The following ACYP1 variants were observed in gnomAD, a reference collection of about 807,000 sequenced individuals.
ACYP1 encodes acylphosphatase 1, also known as acylphosphatase-1.
In ACYP1, 8 loss-of-function variants were observed where a neutral mutation model predicts 10.4. The observed-to-expected ratio is 0.77, with a 90% CI of 0.45 to 1.38. ACYP1 has a LOEUF of 1.38. Among genes scored for constraint, ACYP1 ranks in the 40% most tolerant of loss-of-function variants. ACYP1 has a pLI of 0.00. For missense variants in ACYP1, 93 were observed against 117.3 expected, an observed-to-expected ratio of 0.79 and a Z score of 0.96; for synonymous variants, 38 against 40.8, an observed-to-expected ratio of 0.93 and a Z score of 0.26.
intron 2 of ACYP1, among the ~76,000 whole-genome samples, chr14:75,056,470 T>G (rs1892880221): frequency 6.6e-6 from 1 of 151,306 alleles, no homozygotes; most frequent in Admixed American, 6.6e-5. Context: ...TCTTTTTTTT[T>G]TCTGAAGGAT....
chr14:75,060,840 T>G (rs1472462970), intron 2 of ACYP1, among the ~76,000 whole-genome samples: 1 of 151,974 alleles, frequency 6.6e-6, no homozygotes, highest in African/African-American at 2.4e-5. Context: ...CTGAGGTAGG[T>G]GGATCACCTG....
chr14:75,059,990 CAG>C lies in ACYP1; in HGVS notation c.84+3478_84+3479del, dbSNP rs1462204598. 2.8e-5 allele frequency: 9 copies of C among 319,026 alleles called. 1 individual carries two copies. Among genetic ancestry groups the C allele is most frequent in the African/African-American group, 1.7e-4 (8 of 46,924 alleles). 19.8% of individuals were successfully genotyped at this position (319,026 alleles called of 1,614,324 possible). ...ATGGGGAGTTAGTGTTTAATGAATA[CAG>C]AGTTTCAGTTTTGCAAGATGAAAAG... On this transcript the variant is annotated intron_variant, in intron 2 of 2. Coordinates refer to ENST00000238618, the MANE Select transcript of ACYP1 (RefSeq NM_001107.5).
In ACYP1 at chr14:75,053,262, T is replaced by G. The variant is rs1413536245; in HGVS notation, c.*182A>C. 1.5e-5 allele frequency: 9 copies of G among 614,342 alleles called. No homozygotes were observed. The highest frequency in any genetic ancestry group is 2.5e-5 in the Non-Finnish European group (9 of 357,182). The allele number at this position is 614,342 out of a possible 1,614,324, so 38.1% of individuals were successfully genotyped here. A position where few individuals can be genotyped will look rare whatever the true frequency, so the allele number is the denominator to read the frequency against. ...TAAGCAGAAGGTTCTAACGTTTTTATTGATTAGATTTGTGTACAGTGGTAA... is the reference window on the plus strand; with the variant it reads ...TAAGCAGAAGGTTCTAACGTTTTTAGTGATTAGATTTGTGTACAGTGGTAA... On this transcript the variant is annotated 3_prime_UTR_variant, in exon 3 of 3. Transcript: ENST00000238618.
intron 2 of ACYP1, among the ~76,000 whole-genome samples, chr14:75,057,980 A>G (rs1249285838): frequency 6.8e-6 from 1 of 147,358 alleles, no homozygotes; most frequent in Non-Finnish European, 1.5e-5. Flanking sequence ...AAAAAAAAAA[A>G]AAAAAAAAGA....
rs894321447 is a variant in ACYP1, at chr14:75,069,248, G to T, written c.44C>A (p.Ala15Asp). The T allele has an allele frequency of 1.1e-5, 17 of 1,495,258 alleles. No homozygotes were observed. In the African/African-American group the frequency reaches 2.2e-4, roughly 19 times the overall value. 92.6% of individuals were successfully genotyped at this position (1,495,258 alleles called of 1,614,324 possible). The change falls in exon 1 of 3, where the codon GCC becomes GAC. Residue 15 changes from alanine (A) to aspartate (D), a missense_variant. Coordinates refer to the ACYP1 transcript ENST00000555463. ...AGCGCAGCCGAGCGCGCGGAGAAAG[G>T]CCAGCAGCAGCCCCGCTCCCGCCAG...
Position 75,069,377 on chromosome 14 carries a change from C to G in ACYP1, c.-86G>C, listed in dbSNP as rs185970129. On this transcript the variant is annotated 5_prime_UTR_variant, in exon 1 of 3. Transcript: ENST00000555463. ...CACCCCAAGGTCTGGGAGCGTCGTT[C>G]TCAGAAAAGTACAAGTTCTTCTTTG... is the stretch of plus-strand genomic sequence containing the variant. The G allele has an allele frequency of 1.7e-5, 18 of 1,078,912 alleles. No homozygotes were observed. In the African/African-American group the frequency reaches 2.9e-4, roughly 17 times the overall value. 66.8% of individuals were successfully genotyped at this position (1,078,912 alleles called of 1,614,324 possible). A position where few individuals can be genotyped will look rare whatever the true frequency, so the allele number is the denominator to read the frequency against.
intron 2 of ACYP1, among the ~76,000 whole-genome samples, chr14:75,057,128 A>G (rs1301350438): frequency 6.6e-6 from 1 of 151,674 alleles, no homozygotes; most frequent in East Asian, 1.9e-4. Context: ...ACAGGCACAC[A>G]CTAGAGCTAA....
intron 2 of ACYP1, among the ~76,000 whole-genome samples, chr14:75,062,491 C>T (rs1893048386): frequency 6.6e-6 from 1 of 151,706 alleles, no homozygotes; most frequent in Admixed American, 6.6e-5. Context: ...ATTTTAAGTA[C>T]CACAGTCCCA....
chr14:75,058,737 T>G (rs1892945380), intron 2 of ACYP1, among the ~76,000 whole-genome samples: 1 of 146,110 alleles, frequency 6.8e-6, no homozygotes, highest in Admixed American at 6.7e-5. Context: ...TTGAAAAGGG[T>G]GCTATGACGA....
chr14:75,058,384 G>T (rs1411455967), intron 2 of ACYP1, among the ~76,000 whole-genome samples: 1 of 151,352 alleles, frequency 6.6e-6, no homozygotes, highest in Non-Finnish European at 1.5e-5. Context: ...TGGAGGCAGA[G>T]GTTGCAGTGA....
chr14:75,067,182 TACACACACACAC>T (rs60274425), upstream of ACYP1, among the ~76,000 whole-genome samples: 6,177 of 147,324 alleles, frequency 0.042, 194 homozygotes, highest in South Asian at 0.11. Flanking sequence ...TGTCTGGAAC[TACACACACACAC>T]ACACACACAC....
chr14:75,064,351 G>A (rs1283145271), upstream of ACYP1: 1 of 152,306 alleles, frequency 6.6e-6, no homozygotes, highest in Non-Finnish European at 1.5e-5. Context: ...GACAGCTACT[G>A]TGTGCCAGGC....
upstream of ACYP1, among the ~76,000 whole-genome samples, chr14:75,064,756 A>AT (rs1893114929): frequency 6.6e-6 from 1 of 152,260 alleles, no homozygotes; most frequent in Non-Finnish European, 1.5e-5. Context: ...TAATAAATAA[A>AT]AAAATAAACA....
chr14:75,060,186 A>AT, intron 2 of ACYP1: 3 of 639,724 alleles, frequency 4.7e-6, no homozygotes, highest in Non-Finnish European at 8.4e-6. Context: ...TATCCTTTTT[A>AT]TTTTTTTAAT....
At chr14:75,060,315 G>A in intron 2 of ACYP1, 1 of 644,458 alleles carries the variant, frequency 1.6e-6, no homozygotes, top group Non-Finnish European at 2.8e-6. Flanking sequence ...CCACTAGGAT[G>A]GCTAACATAA....
chr14:75,063,643 C>A, intron 1 of ACYP1, 82 bp from the exon 2 acceptor site: 1 of 1,132,216 alleles, frequency 8.8e-7, no homozygotes, highest in South Asian at 1.3e-5. Context: ...GCCACACCCA[C>A]CCCTGTCCAT....
intron 2 of ACYP1, among the ~76,000 whole-genome samples, 199 bp from the exon 3 acceptor site, chr14:75,053,858 T>C (rs1892810352): frequency 6.6e-6 from 1 of 152,230 alleles, no homozygotes; most frequent in Non-Finnish European, 1.5e-5. Flanking sequence ...ACTGCATGTC[T>C]TTCTTCTACC....
At chr14:75,065,472 C>G (rs1418330432), upstream of ACYP1, among the ~76,000 whole-genome samples, 2 of 152,152 alleles carry the variant, frequency 1.3e-5, no homozygotes, top group Non-Finnish European at 2.9e-5. Flanking sequence ...GAAAATAACT[C>G]TAAATAGAGT....
At chr14:75,064,169 CA>C, upstream of ACYP1, 3 of 341,634 alleles carry the variant, frequency 8.8e-6, no homozygotes, top group Non-Finnish European at 1.2e-5. Context: ...TCCGGCAACC[CA>C]AAAGCTTTGG....
Sources: gnomAD v4.1 joint callset for allele counts (sites outside exome capture counted in the v4.1 genomes callset) on GRCh38, gnomAD v4.1.1 for gene constraint, MANE v1.5 for transcripts, NCBI Gene and HGNC (gene_info 2026-07-23, HGNC 2026-07-21) for gene names.